TUSC3: variants seen among roughly 807,000 people sequenced by gnomAD.
TUSC3 encodes tumor suppressor candidate 3.
In TUSC3, 45 loss-of-function variants were observed where a neutral mutation model predicts 44.8. The ratio of observed to expected loss-of-function variants is 1.00; its 90% confidence interval spans 0.79 to 1.29. The LOEUF is 1.29. Among genes scored for constraint, TUSC3 ranks in the 50% most tolerant of loss-of-function variants. TUSC3 has a pLI of 0.00. For missense variants in TUSC3, 519 were observed against 437.9 expected, an observed-to-expected ratio of 1.19 and a Z score of -1.65; for synonymous variants, 212 against 152.9, an observed-to-expected ratio of 1.39 and a Z score of -2.85.
intron 1 of TUSC3, among the ~76,000 whole-genome samples, chr8:15,606,288 T>C (rs982108650): frequency 2.0e-5 from 3 of 152,106 alleles, no homozygotes; most frequent in Non-Finnish European, 4.4e-5. Context: ...TATTTTGTCC[T>C]ATGATTTCTA....
chr8:15,627,942 C>G lies in TUSC3; in HGVS notation c.308+4693C>G, dbSNP rs74805131. ...GAATCCAGTGGGCCAGAGTGAACCT[C>G]AGGCAAAGGTGCCACTGGCCACAGA... is the stretch of plus-strand genomic sequence containing the variant. On this transcript the variant is annotated intron_variant, in intron 2 of 10. Coordinates refer to ENST00000503731, the MANE Select transcript of TUSC3 (RefSeq NM_006765.4). Among the ~76,000 whole-genome samples the G allele has an allele frequency of 4.9e-3, 748 of 152,308 alleles. 21 individuals are homozygous for G. In the East Asian group the frequency reaches 0.071, roughly 15 times the overall value.
intron 6 of TUSC3, among the ~76,000 whole-genome samples, chr8:15,707,542 G>A (rs1172772111): frequency 1.3e-5 from 2 of 151,876 alleles, no homozygotes; most frequent in Non-Finnish European, 1.5e-5. Flanking sequence ...AGGCCTGTAG[G>A]GGAAATGATA....
intron 1 of TUSC3, among the ~76,000 whole-genome samples, chr8:15,568,439 C>T (rs553931096): frequency 1.6e-4 from 25 of 152,204 alleles, no homozygotes; most frequent in African/African-American, 6.0e-4. Flanking sequence ...AATTTATCTT[C>T]ATACCTTATT....
chr8:15,435,607 G>T (rs1799935597), intron 1 of TUSC3, among the ~76,000 whole-genome samples: 1 of 152,048 alleles, frequency 6.6e-6, no homozygotes, highest in African/African-American at 2.4e-5. Flanking sequence ...GAGGTACCTG[G>T]TGCCTAAAAC....
chr8:15,537,260 C>G (rs1375798054), upstream of TUSC3, among the ~76,000 whole-genome samples: 1 of 152,164 alleles, frequency 6.6e-6, no homozygotes, highest in Non-Finnish European at 1.5e-5. Flanking sequence ...ATAAACTCCA[C>G]CAATCGTCAG....
Position 15,764,598 on chromosome 8 carries a change from A to C in TUSC3, c.*442A>C, listed in dbSNP as rs1468166730. On this transcript the variant is annotated 3_prime_UTR_variant, in exon 11 of 11. Transcript: ENST00000503731. ...TATTGTACAGGGATAAAGCAAATGC[A>C]TGAAAATATGTCATGTACTGAAAAT... 1.0e-5 allele frequency: 2 copies of C among 198,770 alleles called. No individual in the cohort carries two copies. The highest frequency in any genetic ancestry group is 1.3e-4 in the East Asian group (1 of 7,970). The allele number at this position is 198,770 out of a possible 1,614,324, so 12.3% of individuals were successfully genotyped here.
intron 1 of TUSC3, among the ~76,000 whole-genome samples, chr8:15,606,803 G>T (rs1804546665): frequency 1.3e-5 from 2 of 151,960 alleles, no homozygotes; most frequent in South Asian, 4.1e-4. Flanking sequence ...CACATTTAAA[G>T]CTTCGTATGT....
At chr8:15,584,337 A>G (rs1382862157) in intron 1 of TUSC3, among the ~76,000 whole-genome samples, 2 of 152,180 alleles carry the variant, frequency 1.3e-5, no homozygotes, top group East Asian at 3.9e-4. Flanking sequence ...TTTGTATTAT[A>G]AAAGCGAGAA....
intron 1 of TUSC3, among the ~76,000 whole-genome samples, chr8:15,461,713 T>C (rs1416629204): frequency 6.6e-6 from 1 of 150,966 alleles, no homozygotes; most frequent in Non-Finnish European, 1.5e-5. Flanking sequence ...GTCCCTTGTG[T>C]GCCAATTTTG....
chr8:15,429,373 C>G (rs1364742775), intron 1 of TUSC3, among the ~76,000 whole-genome samples: 3 of 150,738 alleles, frequency 2.0e-5, no homozygotes, highest in African/African-American at 7.4e-5. Context: ...GTTACTGTAG[C>G]CTTGTAGTAT....
At chr8:15,443,344 G>C (rs1267031273) in intron 1 of TUSC3, among the ~76,000 whole-genome samples, 2 of 106,060 alleles carry the variant, frequency 1.9e-5, no homozygotes, top group African/African-American at 6.6e-5. Flanking sequence ...AATTGTGTGT[G>C]TGTGTGTGTG....
At chr8:15,648,789 T>C (rs1472176229) in intron 2 of TUSC3, among the ~76,000 whole-genome samples, 2 of 142,520 alleles carry the variant, frequency 1.4e-5, no homozygotes, top group Non-Finnish European at 3.0e-5. Context: ...ATCATCTTGT[T>C]ATCACGTACC....
chr8:15,758,698 T>C (rs979991747), intron 10 of TUSC3, among the ~76,000 whole-genome samples: 66 of 152,128 alleles, frequency 4.3e-4, no homozygotes, highest in African/African-American at 1.6e-3. Context: ...GCCCCTGCAT[T>C]CTAGTTTTAT....
intron 1 of TUSC3, among the ~76,000 whole-genome samples, chr8:15,594,355 G>T (rs966358895): frequency 1.3e-5 from 2 of 152,098 alleles, no homozygotes; most frequent in African/African-American, 2.4e-5. Context: ...TTTAACATCA[G>T]TGTCAGTTCT....
At chr8:15,751,226 A>G (rs753032796) in intron 9 of TUSC3, among the ~76,000 whole-genome samples, 10 of 152,222 alleles carry the variant, frequency 6.6e-5, no homozygotes, top group Admixed American at 2.0e-4. Context: ...TTGGAGAGAG[A>G]TATGGAGAAG....
intron 1 of TUSC3, among the ~76,000 whole-genome samples, chr8:15,585,895 T>C (rs1313094222): frequency 6.6e-6 from 1 of 152,064 alleles, no homozygotes; most frequent in Non-Finnish European, 1.5e-5. Flanking sequence ...GCTGCCATAA[T>C]GTGTAAGTAG....
chr8:15,488,990 A>T (rs1265098172), intron 2 of TUSC3, among the ~76,000 whole-genome samples: 2 of 152,144 alleles, frequency 1.3e-5, no homozygotes, highest in Admixed American at 1.3e-4. Flanking sequence ...TTCAGGATAG[A>T]GTGTGTTGAT....
the TUSC3 span, among the ~76,000 whole-genome samples, chr8:15,843,709 A>T: frequency 6.6e-6 from 1 of 151,534 alleles, no homozygotes; most frequent in African/African-American, 2.4e-5. Flanking sequence ...TCTAAATATA[A>T]GATGTATATG....
intron 1 of TUSC3, among the ~76,000 whole-genome samples, chr8:15,573,202 C>CTCTCTCTCTCTA (rs1435847916): frequency 2.7e-5 from 2 of 74,188 alleles, no homozygotes; most frequent in African/African-American, 1.1e-4. Context: ...CTCTCTCTCT[C>CTCTCTCTCTCTA]TATATATATA....
Sources: allele counts gnomAD v4.1 joint callset (sites outside exome capture counted in the v4.1 genomes callset), GRCh38; gene constraint gnomAD v4.1.1; transcripts MANE v1.5; gene names NCBI Gene and HGNC (gene_info 2026-07-23, HGNC 2026-07-21).